FAM107B: variants seen among roughly 807,000 people sequenced by gnomAD.
FAM107B encodes protein FAM107B.
Under a neutral mutation model 31.5 loss-of-function variants are expected in FAM107B, and 21 were observed. The ratio of observed to expected loss-of-function variants is 0.67; its 90% CI spans 0.47 to 0.96. The LOEUF is 0.96. FAM107B is among the 40% of genes least tolerant of loss of function. The pLI is 0.00. For synonymous variants in FAM107B, 157 were observed against 141.5 expected (o/e 1.11, Z -0.78); for missense variants, 452 against 377.1 (o/e 1.20, Z -1.64).
At chr10:14,669,188 T>C (rs892003764) in intron 1 of FAM107B, among the ~76,000 whole-genome samples, 3 of 151,838 alleles carry the variant, frequency 2.0e-5, no homozygotes, top group African/African-American at 7.3e-5. Flanking sequence ...GGCCATATGG[T>C]GAAACCCCAT....
chr10:14,611,216 T>G (rs1852715578), intron 2 of FAM107B, among the ~76,000 whole-genome samples: 1 of 152,154 alleles, frequency 6.6e-6, no homozygotes, highest in African/African-American at 2.4e-5. Flanking sequence ...GCGCTCATCC[T>G]GTCAAAAATA....
chr10:14,589,322 G>C (rs868237841), intron 2 of FAM107B, among the ~76,000 whole-genome samples: 12 of 152,160 alleles, frequency 7.9e-5, no homozygotes, highest in African/African-American at 2.9e-4. Context: ...CATCTTATAA[G>C]AGTCCTGAAC....
intron 2 of FAM107B, among the ~76,000 whole-genome samples, chr10:14,532,954 G>C (rs1847185274): frequency 6.6e-6 from 1 of 152,148 alleles, no homozygotes; most frequent in Admixed American, 6.5e-5. Context: ...CACAGGGTAG[G>C]AGGGTGCCTG....
intron 2 of FAM107B, among the ~76,000 whole-genome samples, chr10:14,590,369 G>T (rs1298305844): frequency 6.6e-6 from 1 of 152,194 alleles, no homozygotes; most frequent in Admixed American, 6.5e-5. Flanking sequence ...GGGAATCCTA[G>T]AACCTACTTT....
chr10:14,567,262 G>C (rs577964547), intron 2 of FAM107B, among the ~76,000 whole-genome samples: 1 of 152,154 alleles, frequency 6.6e-6, no homozygotes, highest in Non-Finnish European at 1.5e-5. Context: ...ACTATAAACA[G>C]AAAAATGAGA....
At chr10:14,598,701 A>T (rs7896835) in intron 2 of FAM107B, among the ~76,000 whole-genome samples, 1 of 152,132 alleles carries the variant, frequency 6.6e-6, no homozygotes, top group Non-Finnish European at 1.5e-5. Context: ...TCTCATGTTA[A>T]GTGCTCTTAT....
chr10:14,693,963 C>A (rs931464170), intron 1 of FAM107B, among the ~76,000 whole-genome samples: 4 of 152,170 alleles, frequency 2.6e-5, no homozygotes, highest in African/African-American at 9.7e-5. Flanking sequence ...AAAATTTGAT[C>A]ATGCAATATT....
intron 2 of FAM107B, among the ~76,000 whole-genome samples, chr10:14,571,043 TG>T (rs1459740126): frequency 6.6e-6 from 1 of 152,130 alleles, no homozygotes; most frequent in Non-Finnish European, 1.5e-5. Flanking sequence ...TTCTAGAGGC[TG>T]GGAAGTCCAA....
intron 1 of FAM107B, among the ~76,000 whole-genome samples, chr10:14,768,353 T>C (rs971802387): frequency 6.6e-6 from 1 of 152,176 alleles, no homozygotes; most frequent in Non-Finnish European, 1.5e-5. Context: ...ATCTTTGAAA[T>C]GGGAGAACAA....
intron 1 of FAM107B, among the ~76,000 whole-genome samples, chr10:14,702,008 C>CA (rs1488270503): frequency 2.0e-5 from 3 of 152,152 alleles, no homozygotes; most frequent in Non-Finnish European, 4.4e-5. Context: ...GCTGCCCACC[C>CA]AAAAAACATA....
At chr10:14,600,431 G>A (rs1852352003) in intron 2 of FAM107B, among the ~76,000 whole-genome samples, 1 of 152,090 alleles carries the variant, frequency 6.6e-6, no homozygotes. Flanking sequence ...GAACTGATGG[G>A]CGCTAGGCAA....
rs530112820 is a variant in FAM107B, at chr10:14,598,546, G to C, written c.470-68031C>G. 2.6e-5 allele frequency among the ~76,000 whole-genome samples: 4 copies of C among 152,276 alleles called. No individual in the cohort carries two copies. The East Asian group carries it at 7.7e-4, about 29-fold the overall frequency. ...GGAATGGTGGTTGTCAGGGACTGCA[G>C]TGGGGGAAAATGGGGAGTTACCAAT... On this transcript the variant is annotated intron_variant, in intron 2 of 4. Transcript: ENST00000181796.
intron 1 of FAM107B, among the ~76,000 whole-genome samples, chr10:14,689,379 C>CAAAAAA (rs200283842): frequency 1.5e-4 from 19 of 128,706 alleles, no homozygotes; most frequent in African/African-American, 4.9e-4. Context: ...GACCCTATCT[C>CAAAAAA]AAAAAAAAAA....
intron 1 of FAM107B, among the ~76,000 whole-genome samples, chr10:14,691,613 G>T (rs781064962): frequency 2.6e-5 from 4 of 152,120 alleles, no homozygotes; most frequent in Non-Finnish European, 4.4e-5. Context: ...ATTAAACTTG[G>T]CTGGGTGTGG....
chr10:14,759,908 C>T (rs1303431126), intron 1 of FAM107B, among the ~76,000 whole-genome samples: 1 of 152,104 alleles, frequency 6.6e-6, no homozygotes, highest in Non-Finnish European at 1.5e-5. Context: ...GCCAGGGTTC[C>T]ACCATGTTGG....
intron 1 of FAM107B, among the ~76,000 whole-genome samples, chr10:14,671,888 AAAAACAAAAAAAAAAC>A (rs1854562234): frequency 1.3e-5 from 2 of 148,998 alleles, no homozygotes; most frequent in Non-Finnish European, 3.0e-5. Context: ...AAAAAAACAA[AAAAACAAAAAAAAAAC>A]CCTCTATTTC....
At chr10:14,685,060 C>G (rs1207555992) in intron 1 of FAM107B, among the ~76,000 whole-genome samples, 5 of 151,832 alleles carry the variant, frequency 3.3e-5, no homozygotes, top group Non-Finnish European at 5.9e-5. Flanking sequence ...AGGGTGGTCT[C>G]TAGCTCCTGG....
chr10:14,662,623 G>A (rs1351428376), intron 2 of FAM107B, among the ~76,000 whole-genome samples: 2 of 152,084 alleles, frequency 1.3e-5, no homozygotes, highest in Admixed American at 6.6e-5. Context: ...GTTTGTTGAT[G>A]TTTAAAATCC....
rs185687031 is a variant in FAM107B, at chr10:14,677,569, A to C, written c.412-9878T>G. Reference sequence around the variant, plus strand: ...CCGGGAGGCGGAGCTTGCAGTGAGCAGAGATGGCGCCACTGCACTCCAGCC... The same window carrying C: ...CCGGGAGGCGGAGCTTGCAGTGAGCCGAGATGGCGCCACTGCACTCCAGCC... On this transcript the variant is annotated intron_variant, in intron 1 of 4. Coordinates refer to ENST00000181796, the MANE Select transcript of FAM107B (RefSeq NM_031453.4). Among the ~76,000 whole-genome samples the C allele has an allele frequency of 6.2e-3, 948 of 152,178 alleles. 1 individual carries two copies. Among genetic ancestry groups the C allele is most frequent in the Non-Finnish European group, 9.0e-3 (609 of 67,984 alleles).
Sources: gnomAD v4.1 joint callset for allele counts (sites outside exome capture counted in the v4.1 genomes callset) on GRCh38, gnomAD v4.1.1 for gene constraint, MANE v1.5 for transcripts, NCBI Gene and HGNC (gene_info 2026-07-23, HGNC 2026-07-21) for gene names.